The following SHISA6 variants were observed in gnomAD, a reference collection of about 807,000 sequenced individuals.
The protein encoded by SHISA6 is protein shisa-6.
In SHISA6, 22 loss-of-function variants were observed where a neutral mutation model predicts 47.9. That is an observed-to-expected ratio of 0.46 (90% CI 0.33 to 0.66). The LOEUF (loss-of-function observed/expected upper bound fraction) is 0.66. Among genes scored for constraint, SHISA6 ranks in the 30% least tolerant of loss-of-function variants. SHISA6 has a pLI of 0.02. For synonymous variants in SHISA6, 388 were observed against 337.8 expected, an observed-to-expected ratio of 1.15 and a Z score of -1.63; for missense variants, 680 against 764.6, an observed-to-expected ratio of 0.89 and a Z score of 1.30.
At chr17:11,417,754 C>A (rs1256060999) in intron 3 of SHISA6, among the ~76,000 whole-genome samples, 2 of 152,180 alleles carry the variant, frequency 1.3e-5, no homozygotes, top group African/African-American at 2.4e-5. Context: ...AGCATTGGAG[C>A]CTTATTGAAG....
At chr17:11,496,680 A>G (rs552742198) in intron 3 of SHISA6, among the ~76,000 whole-genome samples, 1 of 151,832 alleles carries the variant, frequency 6.6e-6, no homozygotes, top group Non-Finnish European at 1.5e-5. Context: ...CGGAGGTTGC[A>G]GTGAGCCAAG....
intron 2 of SHISA6, among the ~76,000 whole-genome samples, chr17:11,354,244 C>A (rs899296813): frequency 6.6e-6 from 1 of 152,156 alleles, no homozygotes; most frequent in African/African-American, 2.4e-5. Flanking sequence ...TGTTCAAATG[C>A]GAATTCGGAT....
chr17:11,339,165 T>TAA (rs74468692), intron 2 of SHISA6, among the ~76,000 whole-genome samples: 27 of 136,994 alleles, frequency 2.0e-4, no homozygotes, highest in Admixed American at 2.9e-4. Flanking sequence ...AAAGTATGAT[T>TAA]AAAAAAAAAA....
chr17:11,244,136 G>A (rs1277033814), intron 1 of SHISA6, among the ~76,000 whole-genome samples: 3 of 152,144 alleles, frequency 2.0e-5, no homozygotes, highest in Non-Finnish European at 4.4e-5. Context: ...TCTGGGGTTG[G>A]GGAAGCAGAG....
intron 2 of SHISA6, among the ~76,000 whole-genome samples, chr17:11,280,607 T>C (rs1909085447): frequency 6.6e-6 from 1 of 152,206 alleles, no homozygotes; most frequent in Non-Finnish European, 1.5e-5. Flanking sequence ...GAGGTTCAAA[T>C]GTTCAAGAAG....
chr17:11,258,563 TA>T (rs1242784443), intron 1 of SHISA6, among the ~76,000 whole-genome samples: 3 of 152,208 alleles, frequency 2.0e-5, no homozygotes, highest in Non-Finnish European at 4.4e-5. Flanking sequence ...ATATTTATTT[TA>T]AAATTTGAAA....
At position 11,558,143 on chromosome 17, in the gene SHISA6, C is replaced by T. The variant is rs2072001859; in HGVS notation, c.1495C>T (p.Pro499Ser). ...CCGCATGAGCAAGATGCACTCTCAT[C>T]CCAGTGCCTCCAATAACTCATACGC... The part of the protein sequence containing the change: ...RYRMSKMHSH[P>S]SASNNSYATL... Residue 499 changes from proline (P) to serine (S), a missense_variant, in exon 6 of 6, where the codon CCC becomes TCC. Pro to Ser is a moderately conservative substitution (Grantham distance 74). Transcript: ENST00000441885. The T allele has an allele frequency of 1.3e-6, 2 of 1,550,648 alleles. No homozygotes were observed. The highest frequency in any genetic ancestry group is 1.4e-5 in the African/African-American group (1 of 73,198).
chr17:11,332,506 C>T (rs1007384272), intron 2 of SHISA6, among the ~76,000 whole-genome samples: 11 of 152,200 alleles, frequency 7.2e-5, no homozygotes, highest in African/African-American at 2.2e-4. Context: ...CTTTGTCAGT[C>T]GTAAAATAAA....
chr17:11,348,011 T>C (rs1911756473), intron 2 of SHISA6, among the ~76,000 whole-genome samples: 1 of 152,232 alleles, frequency 6.6e-6, no homozygotes. Context: ...CAGAGTTAAT[T>C]GGTCATCCAT....
chr17:11,514,104 T>A (rs1009306934), intron 3 of SHISA6, among the ~76,000 whole-genome samples: 1 of 152,158 alleles, frequency 6.6e-6, no homozygotes, highest in Non-Finnish European at 1.5e-5. Flanking sequence ...CAGTTCTGAC[T>A]CTGCTTTGTG....
At chr17:11,505,927 T>C (rs899764980) in intron 3 of SHISA6, among the ~76,000 whole-genome samples, 7 of 152,150 alleles carry the variant, frequency 4.6e-5, no homozygotes, top group African/African-American at 1.7e-4. Context: ...CGTATTGGAA[T>C]AGCAGTAGAA....
At chr17:11,428,399 C>G (rs1914659203) in intron 3 of SHISA6, among the ~76,000 whole-genome samples, 1 of 152,200 alleles carries the variant, frequency 6.6e-6, no homozygotes. Context: ...AAAAGGCCCA[C>G]TCTGAGCATG....
At chr17:11,384,207 T>C (rs1913121567) in intron 3 of SHISA6, among the ~76,000 whole-genome samples, 1 of 152,250 alleles carries the variant, frequency 6.6e-6, no homozygotes, top group Non-Finnish European at 1.5e-5. Context: ...GAAGATCTGC[T>C]GCTGCTCACT....
At chr17:11,494,517 T>G (rs2071392028) in intron 3 of SHISA6, among the ~76,000 whole-genome samples, 1 of 152,190 alleles carries the variant, frequency 6.6e-6, no homozygotes, top group Non-Finnish European at 1.5e-5. Context: ...AGAAAGGGAT[T>G]GTGAAAACAG....
At position 11,379,487 on chromosome 17, in the gene SHISA6, A is replaced by G; in HGVS notation, c.873A>G (p.Thr291=). The G allele has an allele frequency of 7.8e-6, 12 of 1,539,644 alleles. No homozygotes were observed. The highest frequency in any genetic ancestry group is 1.1e-5 in the Non-Finnish European group (12 of 1,141,630). ...LHNFISSGFV[T]LGRGHTKGDH... is the part of the protein sequence containing the mutation. ...ACTTCATCTCATCTGGATTTGTCAC[A>G]TTAGGAAGAGGACACACCAAGGGTA... is the stretch of plus-strand genomic sequence containing the variant. The change falls in exon 3 of 6, where the codon ACA becomes ACG. Residue 291 remains threonine (T), a synonymous_variant. Transcript: ENST00000441885.
intron 3 of SHISA6, among the ~76,000 whole-genome samples, chr17:11,524,116 T>C (rs942293846): frequency 1.3e-5 from 2 of 150,474 alleles, no homozygotes; most frequent in Admixed American, 6.6e-5. Context: ...AGAAAGAAAA[T>C]AATACACATA....
In SHISA6 at chr17:11,402,556, A is replaced by G. The variant is rs369728677; in HGVS notation, c.895+23047A>G. On this transcript the variant is annotated intron_variant, in intron 3 of 5. Coordinates refer to ENST00000441885, the MANE Select transcript of SHISA6 (RefSeq NM_207386.4). ...TCTTTGCTCTGAGTCACTTTGTCCAATCTAACTATTAACCTTCTCAGCTAA... is the reference window on the plus strand; with the variant it reads ...TCTTTGCTCTGAGTCACTTTGTCCAGTCTAACTATTAACCTTCTCAGCTAA... 9.9e-5 allele frequency among the ~76,000 whole-genome samples: 15 copies of G among 152,170 alleles called. No homozygotes were observed. The East Asian group carries it at 2.5e-3, about 25-fold the overall frequency.
At chr17:11,330,641 C>T (rs1911068744) in intron 2 of SHISA6, among the ~76,000 whole-genome samples, 1 of 151,924 alleles carries the variant, frequency 6.6e-6, no homozygotes, top group Admixed American at 6.6e-5. Context: ...TCCCTGGGGT[C>T]CAAGTTAAAA....
chr17:11,536,207 T>C (rs1194439781), intron 3 of SHISA6, among the ~76,000 whole-genome samples: 1 of 152,146 alleles, frequency 6.6e-6, no homozygotes, highest in Non-Finnish European at 1.5e-5. Context: ...ATTTCACTAC[T>C]TAAGGGAGCT....
Sources: gnomAD v4.1 joint callset for allele counts (sites outside exome capture counted in the v4.1 genomes callset) on GRCh38, gnomAD v4.1.1 for gene constraint, MANE v1.5 for transcripts, NCBI Gene and HGNC (gene_info 2026-07-23, HGNC 2026-07-21) for gene names.